GLB1: variants seen among roughly 807,000 people sequenced by gnomAD.
GLB1 encodes beta-galactosidase.
A neutral mutation model predicts 74.0 loss-of-function variants in GLB1; 56 were observed. That is an observed-to-expected ratio of 0.76 (90% CI 0.61 to 0.94). The LOEUF (loss-of-function observed/expected upper bound fraction) is 0.94, where lower values mean the gene tolerates loss of function less well. GLB1 is among the 40% of genes least tolerant of loss of function. GLB1 has a pLI of 0.00. For missense variants in GLB1, 787 were observed against 845.5 expected (o/e 0.93, Z 0.86); for synonymous variants, 323 against 323.6 (o/e 1.00, Z 0.02).
intron 1 of GLB1, among the ~76,000 whole-genome samples, chr3:33,076,374 A>C (rs1188783771): frequency 6.6e-6 from 1 of 152,260 alleles, no homozygotes; most frequent in Non-Finnish European, 1.5e-5. Context: ...TGAGCCCTGA[A>C]GTCCAGATTC....
intron 10 of GLB1, among the ~76,000 whole-genome samples, chr3:33,033,429 T>C (rs1698138040): frequency 6.6e-6 from 1 of 152,188 alleles, no homozygotes; most frequent in African/African-American, 2.4e-5. Flanking sequence ...TTCTATTCTC[T>C]CTAGAGGAAA....
intron 15 of GLB1, among the ~76,000 whole-genome samples, chr3:33,003,707 C>T (rs543346189): frequency 6.6e-6 from 1 of 152,146 alleles, no homozygotes; most frequent in Non-Finnish European, 1.5e-5. Flanking sequence ...GAACAGATGG[C>T]CCCAATTATT....
At chr3:33,042,110 C>T (rs75174661) in intron 10 of GLB1, among the ~76,000 whole-genome samples, 2,298 of 152,232 alleles carry the variant, frequency 0.015, 61 homozygotes, top group African/African-American at 0.052. Flanking sequence ...CTACTACCTT[C>T]ATAAGCCACA....
At chr3:33,014,434 C>T (rs933103250) in intron 14 of GLB1, 124 bp from the exon 15 acceptor site, 11 of 1,422,266 alleles carry the variant, frequency 7.7e-6, no homozygotes, top group East Asian at 4.9e-5. Context: ...AAATGAACCT[C>T]GAAATATGTG....
At chr3:33,014,401 C>G in intron 14 of GLB1, 91 bp from the exon 15 acceptor site, 1 of 1,556,114 alleles carries the variant, frequency 6.4e-7, no homozygotes, top group Non-Finnish European at 8.7e-7. Flanking sequence ...GAAAAGCAAA[C>G]CGGGATACAA....
At chr3:33,069,998 CTTCT>C (rs1047311175) in intron 2 of GLB1, among the ~76,000 whole-genome samples, 3 of 151,196 alleles carry the variant, frequency 2.0e-5, no homozygotes, top group African/African-American at 7.3e-5. Context: ...CTGTTGTTCC[CTTCT>C]TTGTGTCCAT....
rs113901133 is a variant in GLB1 at position 33,068,904 on chromosome 3, C to T, written c.312G>A (p.Val104=). Residue 104 remains valine, a synonymous_variant, in exon 3 of 16, where the codon GTG becomes GTA. Coordinates refer to ENST00000307363, the MANE Select transcript of GLB1 (RefSeq NM_000404.4). ...CATGAGCCAGCCGAAGAAAATATTC[C>T]ACATCATGGTCCTCAGAAAACTGGT... ...GQYQFSEDHD[V]EYFLRLAHEL... 1.5e-5 allele frequency: 24 copies of T among 1,614,042 alleles called. No individual in the cohort carries two copies. Among genetic ancestry groups the T allele is most frequent in the African/African-American group, 1.2e-4 (9 of 74,900 alleles).
intron 5 of GLB1, chr3:33,061,731 G>A (rs1699452633): frequency 6.6e-6 from 1 of 152,210 alleles, no homozygotes; most frequent in South Asian, 2.1e-4. Flanking sequence ...ATTGGATGAA[G>A]TTAAGTTGTG....
rs186817553 is a variant in GLB1, at chr3:33,066,380, G to A, written c.458-823C>T. On this transcript the variant is annotated intron_variant, in intron 4 of 15. Transcript: ENST00000307363. ...AATGGGACTGGTGGCTTTATAAGAA[G>A]AGGGAGAGAGATCTGAGCTAGGACA... Among the ~76,000 whole-genome samples, 8 of 152,276 alleles carry A rather than the reference G, an allele frequency of 5.3e-5. No individual in the cohort carries two copies. The South Asian group carries it at 1.0e-3, about 20-fold the overall frequency.
At chr3:32,989,042 C>A in the GLB1 span, among the ~76,000 whole-genome samples, 1 of 152,170 alleles carries the variant, frequency 6.6e-6, no homozygotes, top group Non-Finnish European at 1.5e-5. Context: ...TGGTCCACTA[C>A]AAATAAACTC....
chr3:32,999,949 C>A (rs1385339998), intron 15 of GLB1, among the ~76,000 whole-genome samples: 1 of 151,790 alleles, frequency 6.6e-6, no homozygotes, highest in Non-Finnish European at 1.5e-5. Context: ...CCATGCCTGG[C>A]CTTTTTCTTT....
At chr3:33,096,935 G>A (rs1449953164) in intron 1 of GLB1, 76 bp downstream of exon 1, 22 of 1,556,902 alleles carry the variant, frequency 1.4e-5, no homozygotes, top group Non-Finnish European at 1.8e-5. Context: ...ACCGCGGGTG[G>A]CTGCGACCCC....
chr3:33,094,084 T>C (rs894531824), intron 1 of GLB1: 1 of 1,614,148 alleles, frequency 6.2e-7, no homozygotes, highest in Non-Finnish European at 8.5e-7. Context: ...CGCCAGGCCC[T>C]GAGCTCAAGG....
rs375804736 is a variant in GLB1, at chr3:33,037,762, A to G, written c.1068+8358T>C. Among the ~76,000 whole-genome samples, 8 of 152,380 alleles carry G rather than the reference A, an allele frequency of 5.3e-5. No homozygotes were observed. The East Asian group carries it at 1.5e-3, about 29-fold the overall frequency. On this transcript the variant is annotated intron_variant, in intron 10 of 15. Transcript: ENST00000307363. ...GGCACTGTCAACAGAGGCTTTGAGC[A>G]TAAGTGGGCACAAGTTTCCAGGGGA...
chr3:33,016,348 A>G (rs961046032), intron 14 of GLB1, among the ~76,000 whole-genome samples: 2 of 152,214 alleles, frequency 1.3e-5, no homozygotes, highest in Admixed American at 6.5e-5. Context: ...ACAGCTCTTC[A>G]AAATAGCTCA....
chr3:32,982,095 A>G, the GLB1 span, among the ~76,000 whole-genome samples: 3 of 152,170 alleles, frequency 2.0e-5, no homozygotes, highest in African/African-American at 7.2e-5. Flanking sequence ...GGGTGGATCA[A>G]CTGAGGTTGG....
intron 1 of GLB1, chr3:33,090,761 T>A (rs759335347): frequency 1.0e-6 from 1 of 985,242 alleles, no homozygotes; most frequent in African/African-American, 1.7e-5. Context: ...ACAAACCACA[T>A]ACGAGAGGGT....
At chr3:33,026,415 G>A (rs1179931649) in intron 10 of GLB1, among the ~76,000 whole-genome samples, 1 of 152,210 alleles carries the variant, frequency 6.6e-6, no homozygotes, top group East Asian at 1.9e-4. Context: ...GCTGAGGGCA[G>A]CTCAGCACTG....
At chr3:32,991,229 G>A in the GLB1 span, among the ~76,000 whole-genome samples, 8 of 152,180 alleles carry the variant, frequency 5.3e-5, no homozygotes, top group East Asian at 5.8e-4. Context: ...TGAGACCACC[G>A]GGGCCTGGCA....
Sources: allele counts gnomAD v4.1 joint callset (sites outside exome capture counted in the v4.1 genomes callset), GRCh38; gene constraint gnomAD v4.1.1; transcripts MANE v1.5; gene names NCBI Gene and HGNC (gene_info 2026-07-23, HGNC 2026-07-21).